The following XKR6 variants were observed in gnomAD, a reference collection of about 807,000 sequenced individuals.
XKR6 encodes the protein XK-related protein 6.
In XKR6, 22 loss-of-function variants were observed where a neutral mutation model predicts 56.7. The ratio of observed to expected loss-of-function variants is 0.39; its 90% confidence interval spans 0.28 to 0.55. The LOEUF (loss-of-function observed/expected upper bound fraction) is 0.55, where lower values mean the gene tolerates loss of function less well. Ranked by LOEUF, XKR6 falls within the 20% of genes least tolerant of loss-of-function variation. The pLI, the probability that XKR6 is intolerant of heterozygous loss-of-function variation, is 0.66. For synonymous variants in XKR6, 524 were observed against 387.8 expected (o/e 1.35, Z -4.13); for missense variants, 852 against 889.0 (o/e 0.96, Z 0.53).
In XKR6 at chr8:11,008,770, A is replaced by G. The variant is rs188014467; in HGVS notation, c.765-83940T>C. 5.9e-5 allele frequency among the ~76,000 whole-genome samples: 9 copies of G among 152,180 alleles called. No individual in the cohort carries two copies. In the East Asian group the frequency reaches 1.7e-3, roughly 30 times the overall value. On this transcript the variant is annotated intron_variant, in intron 1 of 2. Coordinates refer to ENST00000416569, the MANE Select transcript of XKR6 (RefSeq NM_173683.4). ...ACACATGTCTGGGCTGAGTGCTTCC[A>G]GGAGCCCTGATGGAGCCACGGTCAA...
intron 1 of XKR6, among the ~76,000 whole-genome samples, chr8:10,966,108 C>T (rs184749123): frequency 1.3e-5 from 2 of 152,298 alleles, no homozygotes; most frequent in African/African-American, 4.8e-5. Flanking sequence ...AGCAACCGTG[C>T]CAGGTGCACA....
chr8:10,900,388 C>A (rs1586281359), intron 2 of XKR6, among the ~76,000 whole-genome samples: 1 of 152,244 alleles, frequency 6.6e-6, no homozygotes, highest in Admixed American at 6.5e-5. Flanking sequence ...ACGTGACACT[C>A]TCCCAGCACT....
At chr8:11,118,738 G>C (rs1017109501) in intron 1 of XKR6, among the ~76,000 whole-genome samples, 1 of 151,964 alleles carries the variant, frequency 6.6e-6, no homozygotes, top group African/African-American at 2.4e-5. Flanking sequence ...TATCAATTTG[G>C]CTGATCTTTT....
At chr8:10,899,234 C>T (rs538008237) in intron 2 of XKR6, among the ~76,000 whole-genome samples, 185 of 152,336 alleles carry the variant, frequency 1.2e-3, no homozygotes, top group Non-Finnish European at 2.0e-3. Context: ...TTGTGGGTTC[C>T]GCCTTAAGGA....
intron 1 of XKR6, among the ~76,000 whole-genome samples, chr8:11,160,296 T>C (rs1454304625): frequency 6.6e-6 from 1 of 152,072 alleles, no homozygotes; most frequent in Non-Finnish European, 1.5e-5. Flanking sequence ...TTTAAAAGGA[T>C]ATTATGTTCA....
chr8:11,028,063 T>C (rs1224193841), intron 1 of XKR6, among the ~76,000 whole-genome samples: 1 of 152,076 alleles, frequency 6.6e-6, no homozygotes, highest in Non-Finnish European at 1.5e-5. Flanking sequence ...CACCATTACA[T>C]TATTAACATA....
At chr8:10,937,645 T>C (rs2129122300) in intron 1 of XKR6, among the ~76,000 whole-genome samples, 1 of 150,004 alleles carries the variant, frequency 6.7e-6, no homozygotes, top group Non-Finnish European at 1.5e-5. Flanking sequence ...TGCAGGTCTG[T>C]TGGAATACCC....
At chr8:10,993,855 G>C (rs1310538333) in intron 1 of XKR6, among the ~76,000 whole-genome samples, 1 of 152,166 alleles carries the variant, frequency 6.6e-6, no homozygotes, top group Non-Finnish European at 1.5e-5. Context: ...CTCAGCCTTA[G>C]CTATATAGCC....
intron 1 of XKR6, among the ~76,000 whole-genome samples, chr8:11,010,647 C>T (rs527331531): frequency 7.9e-5 from 12 of 152,202 alleles, no homozygotes; most frequent in African/African-American, 2.4e-4. Flanking sequence ...TTCAACATTT[C>T]GTAATTTTCC....
At chr8:10,996,296 G>T (rs1360091251) in intron 1 of XKR6, among the ~76,000 whole-genome samples, 3 of 152,172 alleles carry the variant, frequency 2.0e-5, no homozygotes, top group African/African-American at 7.2e-5. Context: ...GTGAGCTGGT[G>T]TCAAAAGCTC....
In XKR6 at chr8:10,924,737, G is replaced by C; in HGVS notation, c.858C>G (p.Asp286Glu). Residue 286 changes from aspartate to glutamate, a missense_variant, in exon 2 of 3, where the codon GAC (aspartate) becomes GAG (glutamate). By Grantham distance (45) the Asp-to-Glu change is conservative. Coordinates refer to ENST00000416569, the MANE Select transcript of XKR6 (RefSeq NM_173683.4). ...FYWAMMYEYADVNMLRLLETF... is the reference protein window; with the variant it reads ...FYWAMMYEYAEVNMLRLLETF... ...TCTCCAGGAGGCGCAGCATGTTGAC[G>C]TCTGCATATTCATACATCATAGCCC... The C allele has an allele frequency of 1.9e-6, 3 of 1,613,974 alleles. No homozygotes were observed. The highest frequency in any genetic ancestry group is 2.5e-6 in the Non-Finnish European group (3 of 1,180,006).
intron 1 of XKR6, among the ~76,000 whole-genome samples, chr8:11,015,879 G>T (rs945789681): frequency 6.6e-6 from 1 of 152,112 alleles, no homozygotes; most frequent in African/African-American, 2.4e-5. Flanking sequence ...TGCCCGAGGC[G>T]CCCCAAAGGT....
At chr8:11,035,031 G>A (rs1200465338) in intron 1 of XKR6, among the ~76,000 whole-genome samples, 4 of 152,242 alleles carry the variant, frequency 2.6e-5, no homozygotes, top group Non-Finnish European at 4.4e-5. Flanking sequence ...TACACATTTA[G>A]TAGTAGTGTG....
chr8:11,165,090 CTTTT>C (rs35783491), intron 1 of XKR6, among the ~76,000 whole-genome samples: 2 of 82,472 alleles, frequency 2.4e-5, no homozygotes, highest in African/African-American at 5.2e-5. Flanking sequence ...AGGCTATCAC[CTTTT>C]TTTTTTTTTT....
intron 1 of XKR6, among the ~76,000 whole-genome samples, chr8:11,028,792 C>A (rs1166283225): frequency 6.6e-6 from 1 of 152,198 alleles, no homozygotes; most frequent in Non-Finnish European, 1.5e-5. Context: ...ACCCTCACAG[C>A]AACCCTATGG....
intron 1 of XKR6, among the ~76,000 whole-genome samples, chr8:11,125,180 C>G (rs572045590): frequency 6.6e-6 from 1 of 151,914 alleles, no homozygotes; most frequent in South Asian, 2.1e-4. Flanking sequence ...AGGGAGTGCA[C>G]AGGTCACATG....
chr8:11,131,055 CG>C (rs1235569806), intron 1 of XKR6, among the ~76,000 whole-genome samples: 3 of 152,088 alleles, frequency 2.0e-5, no homozygotes, highest in African/African-American at 7.2e-5. Flanking sequence ...GATTCTGTCC[CG>C]GGGGATTTCT....
intron 1 of XKR6, among the ~76,000 whole-genome samples, chr8:11,036,036 T>C (rs1283455565): frequency 6.9e-6 from 1 of 145,840 alleles, no homozygotes; most frequent in Non-Finnish European, 1.5e-5. Context: ...CCTGACCTCC[T>C]GGGCTCAAGC....
At chr8:11,166,382 C>T (rs1802073641) in intron 1 of XKR6, among the ~76,000 whole-genome samples, 3 of 151,982 alleles carry the variant, frequency 2.0e-5, no homozygotes, top group Admixed American at 2.0e-4. Context: ...AAGTTTGTTT[C>T]CCAGCTAAAT....
Sources: allele counts gnomAD v4.1 joint callset (sites outside exome capture counted in the v4.1 genomes callset), GRCh38; gene constraint gnomAD v4.1.1; transcripts MANE v1.5; gene names NCBI Gene and HGNC (gene_info 2026-07-23, HGNC 2026-07-21).